FKBP1A: variants seen among roughly 807,000 people sequenced by gnomAD.
FKBP1A encodes FKBP prolyl isomerase 1A.
In FKBP1A, 5 loss-of-function variants were observed where a neutral mutation model predicts 14.2. The observed-to-expected ratio is 0.35, with a 90% confidence interval of 0.18 to 0.74. The LOEUF (loss-of-function observed/expected upper bound fraction) is 0.74, where lower values mean the gene tolerates loss of function less well. FKBP1A is among the 30% of genes least tolerant of loss of function. The pLI, the probability that FKBP1A is intolerant of heterozygous loss-of-function variation, is 0.56. For missense variants in FKBP1A, 53 were observed against 138.8 expected (o/e 0.38, Z 3.10); for synonymous variants, 42 against 49.1 (o/e 0.86, Z 0.60).
At chr20:1,383,939 T>G (rs2122695954) in intron 2 of FKBP1A, among the ~76,000 whole-genome samples, 1 of 152,234 alleles carries the variant, frequency 6.6e-6, no homozygotes, top group Admixed American at 6.5e-5. Context: ...CATTCCCAGA[T>G]GGGCGTATGG....
intron 4 of FKBP1A, chr20:1,371,834 C>T (rs2122653221): frequency 8.3e-7 from 1 of 1,201,932 alleles, no homozygotes; most frequent in Non-Finnish European, 1.0e-6. Flanking sequence ...AACATTTAAA[C>T]AGCTGCCATC....
chr20:1,370,507 T>A (rs1383313694), intron 4 of FKBP1A: 2 of 983,008 alleles, frequency 2.0e-6, no homozygotes, highest in Non-Finnish European at 2.4e-6. Flanking sequence ...TCTTAAAAAT[T>A]TCCCAGGTGA....
Position 1,392,820 on chromosome 20 carries a change from G to A in FKBP1A, c.85+14C>T. 6.7e-7 allele frequency: 1 copy of A among 1,489,834 alleles called. No individual in the cohort carries two copies. The highest frequency in any genetic ancestry group is 8.9e-7 in the Non-Finnish European group (1 of 1,120,904). 92.3% of individuals were successfully genotyped at this position (1,489,834 alleles called of 1,614,324 possible). On this transcript the variant is annotated intron_variant, in intron 2 of 4. Transcript: ENST00000400137. ...TGCGGCCCGGGCCCCCTCCCCGCTG[G>A]GCCCCCGACTCACCGGTGTAGTGCA...
At chr20:1,387,742 G>A (rs910532975) in intron 2 of FKBP1A, among the ~76,000 whole-genome samples, 6 of 151,960 alleles carry the variant, frequency 3.9e-5, no homozygotes, top group East Asian at 1.9e-4. Context: ...TCAGAAGGCC[G>A]GATGGGAGGC....
intron 2 of FKBP1A, among the ~76,000 whole-genome samples, chr20:1,383,682 ATT>A (rs2089640351): frequency 9.6e-5 from 8 of 82,940 alleles, no homozygotes; most frequent in African/African-American, 4.2e-4. Context: ...TCTGCAAAAA[ATT>A]AAAAAAAAAA....
intron 4 of FKBP1A, 195 bp from the exon 5 acceptor site, chr20:1,370,267 T>C (rs1023662702): frequency 2.0e-6 from 2 of 985,334 alleles, no homozygotes; most frequent in African/African-American, 3.5e-5. Flanking sequence ...AACTTTCTCC[T>C]TAAATTGATC....
chr20:1,392,924 G>C, intron 1 of FKBP1A, 38 bp downstream of exon 1: 1 of 1,524,548 alleles, frequency 6.6e-7, no homozygotes, highest in Non-Finnish European at 8.8e-7. Flanking sequence ...TGCGCGCGGC[G>C]GCAGAGGTAC....
chr20:1,392,684 C>T (rs2089754303), intron 2 of FKBP1A, 150 bp downstream of exon 2: 3 of 459,096 alleles, frequency 6.5e-6, no homozygotes, highest in Non-Finnish European at 3.4e-6. Context: ...TGCCCCTGAG[C>T]CACCGCCCAG....
At chr20:1,392,938 G>A (rs1157131442) in intron 1 of FKBP1A, 24 bp downstream of exon 1, 2 of 1,080,424 alleles carry the variant, frequency 1.9e-6, no homozygotes, top group Non-Finnish European at 2.5e-6. Flanking sequence ...GAGGTACTCC[G>A]AGCCGCCGCG....
At chr20:1,383,684 T>TAAAAAAAAAAAA (rs34991787) in intron 2 of FKBP1A, among the ~76,000 whole-genome samples, 3 of 125,296 alleles carry the variant, frequency 2.4e-5, no homozygotes, top group South Asian at 2.6e-4. Flanking sequence ...TGCAAAAAAT[T>TAAAAAAAAAAAA]AAAAAAAAAA....
rs75538246 is a variant in FKBP1A at position 1,375,114 on chromosome 20, G to A, written c.198+377C>T. Among the ~76,000 whole-genome samples the A allele has an allele frequency of 4.7e-3, 708 of 152,238 alleles. 1 individual carries two copies. Among genetic ancestry groups the A allele is most frequent in the Middle Eastern group, 0.014 (4 of 294 alleles). On this transcript the variant is annotated intron_variant, in intron 3 of 4. Transcript: ENST00000400137. ...GGCCTCCCAAAGTGCTGGGATTACAGGAACTCCTGACCTCAGGTGATCCAC... is the reference window on the plus strand; with the variant it reads ...GGCCTCCCAAAGTGCTGGGATTACAAGAACTCCTGACCTCAGGTGATCCAC...
rs901931758 is a variant in FKBP1A at position 1,379,709 on chromosome 20, T to C, written c.86-4106A>G. On this transcript the variant is annotated intron_variant, in intron 2 of 4. Transcript: ENST00000400137. The surrounding 1 kb of genome is among the most constrained non-coding windows in gnomAD (Gnocchi z 4.3). ...GGGCAGGGTTGGGTGGTGGCAGTGA[T>C]GTTGGGGTTCCTTGAGTCCAAGGAG... is the stretch of plus-strand genomic sequence containing the variant. Among the ~76,000 whole-genome samples the C allele has an allele frequency of 7.2e-5, 11 of 152,110 alleles. No individual in the cohort carries two copies. Among genetic ancestry groups the C allele is most frequent in the African/African-American group, 2.4e-4 (10 of 41,420 alleles).
chr20:1,391,591 G>A (rs2089737506), intron 2 of FKBP1A: 1 of 398,402 alleles, frequency 2.5e-6, no homozygotes, highest in Non-Finnish European at 4.4e-6. Context: ...TGGGAGGGGG[G>A]ATGTTAGTTG....
At chr20:1,381,625 A>T (rs887265564) in intron 2 of FKBP1A, among the ~76,000 whole-genome samples, 2 of 152,208 alleles carry the variant, frequency 1.3e-5, no homozygotes, top group African/African-American at 2.4e-5. Context: ...CTTGTACACA[A>T]ATGTTCAAAG....
At chr20:1,391,586 G>T in intron 2 of FKBP1A, 1 of 398,266 alleles carries the variant, frequency 2.5e-6, no homozygotes, top group South Asian at 1.3e-4. Flanking sequence ...GGGCATGGGA[G>T]GGGGGATGTT....
chr20:1,372,536 A>T (rs953597816), intron 3 of FKBP1A, among the ~76,000 whole-genome samples: 2 of 152,170 alleles, frequency 1.3e-5, no homozygotes, highest in Non-Finnish European at 2.9e-5. Context: ...AATGCTAGGC[A>T]GGTAACATTC....
intron 2 of FKBP1A, among the ~76,000 whole-genome samples, chr20:1,380,336 CT>C (rs1395528450): frequency 6.6e-6 from 1 of 152,112 alleles, no homozygotes; most frequent in Non-Finnish European, 1.5e-5. Context: ...GCAGGGTCCT[CT>C]TTGAGTATTC....
At position 1,386,678 on chromosome 20, in the gene FKBP1A, G is replaced by A. The variant is rs1006086981; in HGVS notation, c.85+6156C>T. On this transcript the variant is annotated intron_variant, in intron 2 of 4. Transcript: ENST00000400137. The surrounding 1 kb of genome is among the most constrained non-coding windows in gnomAD (Gnocchi z 4.7). The stretch of plus-strand genomic sequence containing the variant: ...GCAGTGTGGTGGCACCTAAGCAAAG[G>A]GGCAGAGACCTCCATGTGGGAAAAG... Among the ~76,000 whole-genome samples the A allele has an allele frequency of 2.0e-5, 3 of 152,194 alleles. No individual in the cohort carries two copies. Among genetic ancestry groups the A allele is most frequent in the Admixed American group, 2.0e-4 (3 of 15,284 alleles).
rs2089758479 is a variant in FKBP1A, at chr20:1,392,901, C to A, written c.38-20G>T. 3 of 1,511,212 alleles carry A rather than the reference C, an allele frequency of 2.0e-6. No individual in the cohort carries two copies. The highest frequency in any genetic ancestry group is 2.0e-5 in the Admixed American group (1 of 49,136). 93.6% of individuals were successfully genotyped at this position (1,511,212 alleles called of 1,614,324 possible). A position where few individuals can be genotyped will look rare whatever the true frequency, so the allele number is the denominator to read the frequency against. Reference sequence around the variant, plus strand: ...TGCGCCCTGAGGAGACAGAGACGGGCATGCTGAGCCGATGCGCGCGGCGGC... The same window carrying A: ...TGCGCCCTGAGGAGACAGAGACGGGAATGCTGAGCCGATGCGCGCGGCGGC... On this transcript the variant is annotated intron_variant, in intron 1 of 4. Coordinates refer to ENST00000400137, the MANE Select transcript of FKBP1A (RefSeq NM_000801.5).
Sources: allele counts gnomAD v4.1 joint callset (sites outside exome capture counted in the v4.1 genomes callset), GRCh38; gene constraint gnomAD v4.1.1; non-coding constraint Gnocchi (gnomAD v3.1); transcripts MANE v1.5; gene names NCBI Gene and HGNC (gene_info 2026-07-23, HGNC 2026-07-21).